The following UNC13C variants were observed in gnomAD, a reference collection of about 807,000 sequenced individuals.
UNC13C encodes the protein unc-13 homolog C, also known as protein unc-13 homolog C.
Under a neutral mutation model 245.4 loss-of-function variants are expected in UNC13C, and 174 were observed. That is an observed-to-expected ratio of 0.71 (90% CI 0.63 to 0.80). UNC13C has a LOEUF of 0.80. Among genes scored for constraint, UNC13C ranks in the 30% least tolerant of loss-of-function variants. The pLI, the probability that UNC13C is intolerant of heterozygous loss-of-function variation, is 0.00. For missense variants in UNC13C, 2,829 were observed against 2,602.9 expected (o/e 1.09, Z -1.89); for synonymous variants, 992 against 895.1 (o/e 1.11, Z -1.93).
the UNC13C span, among the ~76,000 whole-genome samples, chr15:53,931,583 C>G: frequency 6.6e-6 from 1 of 151,880 alleles, no homozygotes; most frequent in Non-Finnish European, 1.5e-5. Flanking sequence ...TTCCACTTTC[C>G]TGGGTGATGC....
the UNC13C span, among the ~76,000 whole-genome samples, chr15:53,872,336 C>T: frequency 3.5e-5 from 4 of 113,422 alleles, no homozygotes; most frequent in East Asian, 2.8e-4. Flanking sequence ...TCAAAATGAC[C>T]GCCATTCATA....
intron 13 of UNC13C, 47 bp from the exon 14 acceptor site, chr15:54,321,892 T>C (rs1160128121): frequency 1.3e-6 from 2 of 1,519,810 alleles, no homozygotes; most frequent in South Asian, 2.5e-5. Context: ...GTTGTATGAA[T>C]TAATTAATTT....
intron 1 of UNC13C, among the ~76,000 whole-genome samples, chr15:53,997,788 G>T (rs1894702654): frequency 6.6e-6 from 1 of 151,732 alleles, no homozygotes; most frequent in African/African-American, 2.4e-5. Context: ...CTCCAATATT[G>T]TTTTATTTTA....
In UNC13C at chr15:54,216,008, A is replaced by G. The variant is rs1014424753; in HGVS notation, c.3072-19022A>G. Among the ~76,000 whole-genome samples the G allele has an allele frequency of 7.2e-5, 11 of 152,126 alleles. No individual in the cohort carries two copies. In the East Asian group the frequency reaches 1.7e-3, roughly 24 times the overall value. On this transcript the variant is annotated intron_variant, in intron 4 of 32. Transcript: ENST00000260323. ...AAAGTCAACAAAAAGAGTTCCAGGCATAACACAATAAAATTCACAACAAAT... is the reference window on the plus strand; with the variant it reads ...AAAGTCAACAAAAAGAGTTCCAGGCGTAACACAATAAAATTCACAACAAAT...
At chr15:54,034,874 GAAGT>G (rs1175227639) in intron 2 of UNC13C, among the ~76,000 whole-genome samples, 3 of 152,140 alleles carry the variant, frequency 2.0e-5, no homozygotes, top group African/African-American at 7.2e-5. Context: ...AGACTACTCT[GAAGT>G]AAGAGAACCG....
intron 19 of UNC13C, among the ~76,000 whole-genome samples, chr15:54,474,460 A>G (rs1892620044): frequency 7.5e-6 from 1 of 133,692 alleles, no homozygotes; most frequent in African/African-American, 2.8e-5. Context: ...CCAGTTGGAC[A>G]TTTGTATGTC....
chr15:53,996,570 CTAAGAT>C (rs1894642793), intron 1 of UNC13C, among the ~76,000 whole-genome samples: 1 of 152,170 alleles, frequency 6.6e-6, no homozygotes, highest in Non-Finnish European at 1.5e-5. Context: ...CTTAACCACT[CTAAGAT>C]ATAGAGCATT....
intron 4 of UNC13C, among the ~76,000 whole-genome samples, chr15:54,192,617 G>C (rs1335950439): frequency 1.3e-5 from 2 of 151,970 alleles, no homozygotes; most frequent in African/African-American, 4.8e-5. Context: ...TTATTTTACT[G>C]TCATACCATG....
At chr15:54,613,447 A>G (rs1596677574) in intron 30 of UNC13C, among the ~76,000 whole-genome samples, 3 of 151,946 alleles carry the variant, frequency 2.0e-5, no homozygotes, top group Non-Finnish European at 2.9e-5. Context: ...GTGAATTACA[A>G]TGCTGTCTAT....
chr15:54,538,644 AT>A (rs1362203028), intron 26 of UNC13C, among the ~76,000 whole-genome samples: 1 of 152,166 alleles, frequency 6.6e-6, no homozygotes, highest in African/African-American at 2.4e-5. Flanking sequence ...GTACATATAC[AT>A]CATGGAATAC....
At chr15:53,933,913 ATT>A in the UNC13C span, among the ~76,000 whole-genome samples, 1 of 152,174 alleles carries the variant, frequency 6.6e-6, no homozygotes, top group Non-Finnish European at 1.5e-5. Context: ...GAGACTGGGT[ATT>A]TTATAAAGGA....
At chr15:54,403,084 C>G (rs557577464) in intron 18 of UNC13C, among the ~76,000 whole-genome samples, 1 of 152,288 alleles carries the variant, frequency 6.6e-6, no homozygotes, top group Admixed American at 6.5e-5. Flanking sequence ...TGAGGACTTG[C>G]TTGTACCAGG....
chr15:54,392,217 A>G (rs867961793), intron 17 of UNC13C, among the ~76,000 whole-genome samples: 3 of 152,092 alleles, frequency 2.0e-5, no homozygotes, highest in Middle Eastern at 3.2e-3. Context: ...TGACCAGAAT[A>G]GCTTATCTCT....
chr15:54,094,251 C>A (rs1357576238), intron 2 of UNC13C, among the ~76,000 whole-genome samples: 1 of 152,162 alleles, frequency 6.6e-6, no homozygotes, highest in Non-Finnish European at 1.5e-5. Flanking sequence ...ACCCAGGGTA[C>A]AAGTCAATTC....
At chr15:54,618,633 T>C (rs1424757564) in intron 30 of UNC13C, among the ~76,000 whole-genome samples, 2 of 152,124 alleles carry the variant, frequency 1.3e-5, no homozygotes, top group Non-Finnish European at 2.9e-5. Flanking sequence ...AATTTCACTG[T>C]ACACATCATA....
intron 19 of UNC13C, among the ~76,000 whole-genome samples, chr15:54,464,835 A>G (rs1892080897): frequency 6.6e-6 from 1 of 151,864 alleles, no homozygotes; most frequent in African/African-American, 2.4e-5. Context: ...TACAAATGGA[A>G]TGCTTTTAAA....
chr15:53,999,051 C>A (rs927507204), intron 1 of UNC13C, among the ~76,000 whole-genome samples: 1 of 151,924 alleles, frequency 6.6e-6, no homozygotes, highest in East Asian at 1.9e-4. Flanking sequence ...GGATACTAAT[C>A]TGAATTTTTT....
intron 19 of UNC13C, among the ~76,000 whole-genome samples, chr15:54,481,722 G>A (rs1406223224): frequency 6.6e-6 from 1 of 152,090 alleles, no homozygotes; most frequent in Non-Finnish European, 1.5e-5. Context: ...TGGTGGGCAG[G>A]ACACAGAATC....
chr15:53,995,639 TC>T (rs1395973806), intron 1 of UNC13C, among the ~76,000 whole-genome samples: 2 of 152,132 alleles, frequency 1.3e-5, no homozygotes, highest in Admixed American at 6.6e-5. Context: ...CGAGTCTTAA[TC>T]ATGTGACCAC....
Sources: gnomAD v4.1 joint callset for allele counts (sites outside exome capture counted in the v4.1 genomes callset) on GRCh38, gnomAD v4.1.1 for gene constraint, MANE v1.5 for transcripts, NCBI Gene and HGNC (gene_info 2026-07-23, HGNC 2026-07-21) for gene names.